Variants in TRHDE observed in about 807,000 individuals in gnomAD.
TRHDE encodes the protein thyrotropin-releasing hormone-degrading ectoenzyme.
A neutral mutation model predicts 125.7 loss-of-function variants in TRHDE; 72 were observed. The observed-to-expected ratio is 0.57, with a 90% CI of 0.47 to 0.70. TRHDE has a LOEUF of 0.70. TRHDE is among the 30% of genes least tolerant of loss of function. The pLI, the probability that TRHDE is intolerant of heterozygous loss-of-function variation, is 0.00. For missense variants in TRHDE, 1,110 were observed against 1,327.1 expected, an observed-to-expected ratio of 0.84 and a Z score of 2.54; for synonymous variants, 509 against 509.1, an observed-to-expected ratio of 1.00 and a Z score of 0.00.
At chr12:72,148,951 C>T (rs1010378718) in intron 2 of TRHDE, among the ~76,000 whole-genome samples, 1 of 152,080 alleles carries the variant, frequency 6.6e-6, no homozygotes, top group Non-Finnish European at 1.5e-5. Flanking sequence ...AGTGTGTATG[C>T]TCAAACGACT....
intron 5 of TRHDE, among the ~76,000 whole-genome samples, chr12:72,474,084 A>T (rs1876777273): frequency 6.6e-6 from 1 of 152,102 alleles, no homozygotes; most frequent in African/African-American, 2.4e-5. Flanking sequence ...ACATATATGT[A>T]TATATTGTTT....
chr12:72,545,749 C>G (rs550466344), intron 7 of TRHDE, among the ~76,000 whole-genome samples: 5 of 151,520 alleles, frequency 3.3e-5, no homozygotes, highest in Admixed American at 6.6e-5. Context: ...ATTTCCTTGG[C>G]TTTTATTTAC....
intron 5 of TRHDE, among the ~76,000 whole-genome samples, chr12:72,489,801 A>T (rs1379812225): frequency 6.6e-6 from 1 of 151,866 alleles, no homozygotes; most frequent in East Asian, 1.9e-4. Flanking sequence ...ATGTCAAAGA[A>T]TAAAATGAGA....
chr12:72,304,963 C>T (rs558778356), intron 2 of TRHDE, among the ~76,000 whole-genome samples: 4 of 152,152 alleles, frequency 2.6e-5, no homozygotes, highest in South Asian at 4.1e-4. Context: ...TAATGTCCCA[C>T]GTGTCTGTCA....
intron 2 of TRHDE, among the ~76,000 whole-genome samples, chr12:72,340,957 G>C (rs17111058): frequency 0.044 from 6,694 of 152,010 alleles, 506 homozygotes; most frequent in African/African-American, 0.15. Context: ...TACGGGAGTG[G>C]GCAGTGACTT....
intron 2 of TRHDE, among the ~76,000 whole-genome samples, chr12:72,209,063 T>C (rs1341412156): frequency 3.9e-5 from 6 of 152,198 alleles, no homozygotes; most frequent in Admixed American, 1.3e-4. Flanking sequence ...TTTCTCATCA[T>C]AGAGGATCTT....
intron 2 of TRHDE, among the ~76,000 whole-genome samples, chr12:72,190,403 T>C (rs1383494140): frequency 6.6e-6 from 1 of 152,148 alleles, no homozygotes. Context: ...GCCTAGAGCA[T>C]AATGGGGAAA....
chr12:72,541,194 G>A (rs1050722052), intron 6 of TRHDE, among the ~76,000 whole-genome samples: 3 of 151,518 alleles, frequency 2.0e-5, no homozygotes, highest in Non-Finnish European at 4.4e-5. Context: ...GGGATGTGTA[G>A]TCATAAAGCA....
chr12:72,628,683 A>G (rs142566064), intron 15 of TRHDE, among the ~76,000 whole-genome samples: 30 of 152,014 alleles, frequency 2.0e-4, no homozygotes, highest in South Asian at 8.3e-4. Flanking sequence ...GAAAAATAAT[A>G]TATGAAATGT....
chr12:72,505,742 T>C (rs570098017), intron 6 of TRHDE, among the ~76,000 whole-genome samples: 1 of 152,252 alleles, frequency 6.6e-6, no homozygotes, highest in Non-Finnish European at 1.5e-5. Flanking sequence ...TTTAACTTGC[T>C]GCGCTTTGCC....
chr12:72,592,353 A>C (rs1437443350), intron 12 of TRHDE, among the ~76,000 whole-genome samples: 1 of 152,108 alleles, frequency 6.6e-6, no homozygotes, highest in Non-Finnish European at 1.5e-5. Flanking sequence ...TGAGTTTTAC[A>C]TACCATGAGT....
chr12:72,514,737 C>T (rs1160441688), intron 6 of TRHDE, among the ~76,000 whole-genome samples: 6 of 150,610 alleles, frequency 4.0e-5, no homozygotes, highest in African/African-American at 1.5e-4. Flanking sequence ...GCTGCACCCA[C>T]TAAATCGTCA....
chr12:72,578,716 T>G (rs1424353642), intron 12 of TRHDE, among the ~76,000 whole-genome samples: 2 of 152,204 alleles, frequency 1.3e-5, no homozygotes, highest in Non-Finnish European at 1.5e-5. Flanking sequence ...ATAAAGTAAT[T>G]GTTAATTATT....
At chr12:72,408,316 G>C (rs563659056) in intron 3 of TRHDE, among the ~76,000 whole-genome samples, 3 of 152,254 alleles carry the variant, frequency 2.0e-5, no homozygotes, top group Admixed American at 2.0e-4. Flanking sequence ...GGAACTCTCA[G>C]AAAAGTTATA....
At chr12:72,581,637 A>G (rs1365488636) in intron 12 of TRHDE, among the ~76,000 whole-genome samples, 6 of 152,220 alleles carry the variant, frequency 3.9e-5, no homozygotes, top group African/African-American at 7.2e-5. Context: ...ATTCTGTTAT[A>G]GACTACTCTG....
At chr12:72,377,856 G>A (rs138972216) in intron 2 of TRHDE, 139 bp from the exon 3 acceptor site, 185 of 522,656 alleles carry the variant, frequency 3.5e-4, no homozygotes, top group African/African-American at 3.2e-3. Context: ...GCCCCACTGT[G>A]CTTTGATATA....
intron 2 of TRHDE, among the ~76,000 whole-genome samples, chr12:72,264,946 C>T (rs1386017892): frequency 6.7e-6 from 1 of 150,086 alleles, no homozygotes; most frequent in East Asian, 1.9e-4. Flanking sequence ...CCAAAAGTTT[C>T]ATTCAATCAA....
intron 12 of TRHDE, among the ~76,000 whole-genome samples, chr12:72,614,330 A>ATATATATATATATATATTTTTT (rs531067163): frequency 1.5e-5 from 2 of 129,860 alleles, no homozygotes; most frequent in Admixed American, 8.0e-5. Context: ...ATATATATAT[A>ATATATATATATATATATTTTTT]TTTTTTTTTT....
intron 3 of TRHDE, among the ~76,000 whole-genome samples, chr12:72,380,747 CTT>C (rs1872116923): frequency 1.0e-5 from 1 of 95,826 alleles, no homozygotes; most frequent in African/African-American, 6.3e-5. Flanking sequence ...TCCTTCCTTC[CTT>C]CCTTCCTTCC....
Sources: gnomAD v4.1 joint callset for allele counts (sites outside exome capture counted in the v4.1 genomes callset) on GRCh38, gnomAD v4.1.1 for gene constraint, MANE v1.5 for transcripts, NCBI Gene and HGNC (gene_info 2026-07-23, HGNC 2026-07-21) for gene names.